ZNF804B: variants seen among roughly 807,000 people sequenced by gnomAD.
The protein encoded by ZNF804B is zinc finger 804B.
Under a neutral mutation model 101.4 loss-of-function variants are expected in ZNF804B, and 80 were observed. The ratio of observed to expected loss-of-function variants is 0.79; its 90% CI spans 0.66 to 0.95. The LOEUF (loss-of-function observed/expected upper bound fraction) is 0.95. ZNF804B is among the 40% of genes least tolerant of loss of function. ZNF804B has a pLI of 0.00. For synonymous variants in ZNF804B, 622 were observed against 558.8 expected, an observed-to-expected ratio of 1.11 and a Z score of -1.59; for missense variants, 1,673 against 1,561.9, an observed-to-expected ratio of 1.07 and a Z score of -1.20.
chr7:89,262,197 T>C (rs1296659611), intron 2 of ZNF804B, among the ~76,000 whole-genome samples: 1 of 152,214 alleles, frequency 6.6e-6, no homozygotes, highest in Non-Finnish European at 1.5e-5. Context: ...CAAGTAGAGC[T>C]GGATCAAGTG....
At chr7:89,175,569 A>G (rs540440305) in intron 1 of ZNF804B, among the ~76,000 whole-genome samples, 34 of 152,066 alleles carry the variant, frequency 2.2e-4, no homozygotes, top group African/African-American at 7.7e-4. Context: ...CTGTGATTCC[A>G]TATACATTTT....
At chr7:88,873,080 C>T (rs1791863793) in intron 1 of ZNF804B, among the ~76,000 whole-genome samples, 1 of 151,782 alleles carries the variant, frequency 6.6e-6, no homozygotes, top group Admixed American at 6.6e-5. Flanking sequence ...GTTTACAGTC[C>T]CACCAACAGT....
chr7:89,007,038 A>G (rs1278435001), intron 1 of ZNF804B, among the ~76,000 whole-genome samples: 1 of 152,076 alleles, frequency 6.6e-6, no homozygotes, highest in Admixed American at 6.6e-5. Flanking sequence ...TCAGCACTAT[A>G]TGCAGCAGCT....
chr7:88,912,482 G>A (rs183449971), intron 1 of ZNF804B, among the ~76,000 whole-genome samples: 25 of 152,148 alleles, frequency 1.6e-4, no homozygotes, highest in African/African-American at 5.1e-4. Flanking sequence ...TAGTGTCATT[G>A]CTGACGCTAA....
intron 1 of ZNF804B, among the ~76,000 whole-genome samples, chr7:88,846,225 C>G (rs10229860): frequency 0.067 from 10,226 of 151,882 alleles, 1,038 homozygotes; most frequent in African/African-American, 0.22. Flanking sequence ...TACTGGAGCA[C>G]AGTCGAATAC....
intron 1 of ZNF804B, among the ~76,000 whole-genome samples, chr7:89,153,423 GATGATGATAATA>G (rs1161271153): frequency 7.6e-6 from 1 of 131,074 alleles, no homozygotes; most frequent in African/African-American, 2.9e-5. Flanking sequence ...TAATGATGAT[GATGATGATAATA>G]ATAATAATAA....
At chr7:88,877,042 TATA>T (rs1312532739) in intron 1 of ZNF804B, among the ~76,000 whole-genome samples, 3 of 50,098 alleles carry the variant, frequency 6.0e-5, no homozygotes, top group South Asian at 6.6e-4. Context: ...TATATATATA[TATA>T]TATATTTTTT....
chr7:88,860,636 A>G (rs927230470), intron 1 of ZNF804B, among the ~76,000 whole-genome samples: 1 of 152,092 alleles, frequency 6.6e-6, no homozygotes, highest in Non-Finnish European at 1.5e-5. Context: ...GTCTGAGATA[A>G]TTGGATTGTT....
intron 2 of ZNF804B, among the ~76,000 whole-genome samples, chr7:89,222,282 C>A (rs1789016411): frequency 6.6e-6 from 1 of 151,848 alleles, no homozygotes. Flanking sequence ...TTTTGCAGTG[C>A]ATCTTGTCCT....
chr7:89,015,737 T>G (rs1430133029), intron 1 of ZNF804B, among the ~76,000 whole-genome samples: 1 of 152,176 alleles, frequency 6.6e-6, no homozygotes, highest in South Asian at 2.1e-4. Context: ...AGTCTATCAT[T>G]GTTGGACATT....
At chr7:88,935,199 T>C (rs745364098) in intron 1 of ZNF804B, among the ~76,000 whole-genome samples, 4 of 151,754 alleles carry the variant, frequency 2.6e-5, no homozygotes, top group Non-Finnish European at 4.4e-5. Context: ...ATATCATATG[T>C]TCTCACTTAT....
chr7:89,051,546 AT>A (rs1789204930), intron 1 of ZNF804B, among the ~76,000 whole-genome samples: 1 of 152,120 alleles, frequency 6.6e-6, no homozygotes, highest in Non-Finnish European at 1.5e-5. Flanking sequence ...GCAAATACCA[AT>A]TTTAATATAT....
chr7:89,085,321 A>G (rs1030749505), intron 1 of ZNF804B, among the ~76,000 whole-genome samples: 2 of 151,952 alleles, frequency 1.3e-5, no homozygotes, highest in Non-Finnish European at 2.9e-5. Flanking sequence ...TCCAAATAAG[A>G]AATCTAATTT....
chr7:89,149,758 C>A (rs1790843424), intron 1 of ZNF804B, among the ~76,000 whole-genome samples: 1 of 151,612 alleles, frequency 6.6e-6, no homozygotes. Context: ...AAATGGTGAT[C>A]CCCATTTTGG....
intron 2 of ZNF804B, among the ~76,000 whole-genome samples, chr7:89,278,997 T>C (rs1252844958): frequency 1.3e-5 from 2 of 152,222 alleles, no homozygotes; most frequent in East Asian, 3.8e-4. Context: ...GGAATGTTCT[T>C]CCATTTGTTT....
chr7:88,811,659 C>T (rs1790790277), intron 1 of ZNF804B, among the ~76,000 whole-genome samples: 1 of 152,106 alleles, frequency 6.6e-6, no homozygotes, highest in Non-Finnish European at 1.5e-5. Context: ...AGAATGAAAT[C>T]ATGTCATTTA....
intron 1 of ZNF804B, among the ~76,000 whole-genome samples, chr7:89,081,296 T>C (rs931395500): frequency 6.6e-6 from 1 of 151,914 alleles, no homozygotes. Flanking sequence ...GGGTAAGTAC[T>C]GAACAGGGTC....
intron 2 of ZNF804B, among the ~76,000 whole-genome samples, chr7:89,293,093 T>G (rs1415563352): frequency 6.6e-6 from 1 of 151,966 alleles, no homozygotes; most frequent in South Asian, 2.1e-4. Context: ...GGTCATTTTT[T>G]ATCTTCTGAA....
At chr7:89,320,808 TAAG>T (rs747888960) in intron 2 of ZNF804B, among the ~76,000 whole-genome samples, 2 of 151,926 alleles carry the variant, frequency 1.3e-5, no homozygotes, top group Non-Finnish European at 2.9e-5. Flanking sequence ...AAAGCAATAA[TAAG>T]AAGATAGCAG....
Sources: gnomAD v4.1 joint callset for allele counts (sites outside exome capture counted in the v4.1 genomes callset) on GRCh38, gnomAD v4.1.1 for gene constraint, MANE v1.5 for transcripts, NCBI Gene and HGNC (gene_info 2026-07-23, HGNC 2026-07-21) for gene names.